Variants in CACNA1I observed in about 807,000 individuals in gnomAD.
CACNA1I encodes calcium voltage-gated channel subunit alpha1 I, also known as voltage-dependent T-type calcium channel subunit alpha-1I.
Under a neutral mutation model 201.6 loss-of-function variants are expected in CACNA1I, and 74 were observed. The ratio of observed to expected loss-of-function variants is 0.37; its 90% CI spans 0.30 to 0.45. The LOEUF (loss-of-function observed/expected upper bound fraction) is 0.45. Ranked by LOEUF, CACNA1I falls within the 20% of genes least tolerant of loss-of-function variation. The pLI is 1.00. For synonymous variants in CACNA1I, 1,431 were observed against 1,345.2 expected (o/e 1.06, Z -1.40); for missense variants, 2,346 against 3,138.1 (o/e 0.75, Z 6.03).
intron 4 of CACNA1I, among the ~76,000 whole-genome samples, chr22:39,632,161 G>A (rs1262587503): frequency 1.3e-5 from 2 of 152,180 alleles, no homozygotes; most frequent in Non-Finnish European, 2.9e-5. Context: ...AAGCAGGAGC[G>A]GGAATGAAGC....
At chr22:39,619,961 G>GTCCATCCA (rs71739421) in intron 4 of CACNA1I, among the ~76,000 whole-genome samples, 7 of 129,732 alleles carry the variant, frequency 5.4e-5, no homozygotes, top group African/African-American at 1.2e-4. Context: ...CCGTCCGTCC[G>GTCCATCCA]TCCATCCATC....
intron 1 of CACNA1I, among the ~76,000 whole-genome samples, chr22:39,585,389 T>TC (rs202074796): frequency 9.1e-4 from 94 of 102,786 alleles, no homozygotes; most frequent in East Asian, 2.6e-3. Flanking sequence ...TTTCTTTCTT[T>TC]TTTTTTTTTT....
intron 20 of CACNA1I, 83 bp downstream of exon 20, chr22:39,664,242 C>A: frequency 1.7e-6 from 2 of 1,147,088 alleles, no homozygotes; most frequent in Non-Finnish European, 1.3e-6. Context: ...CAGCTTGTCA[C>A]TCGCCTGCCA....
chr22:39,628,821 C>T (rs745847297), intron 4 of CACNA1I, among the ~76,000 whole-genome samples: 19 of 152,192 alleles, frequency 1.2e-4, no homozygotes, highest in African/African-American at 4.3e-4. Flanking sequence ...GCCACAGCCT[C>T]GGCTCCCCTC....
Position 39,676,273 on chromosome 22 carries a change from G to A in CACNA1I, c.4855-1068G>A, listed in dbSNP as rs770858971. Among the ~76,000 whole-genome samples, 1 of 152,230 alleles carries A rather than the reference G, an allele frequency of 6.6e-6. No homozygotes were observed. Reference sequence around the variant, plus strand: ...GTCAGGGCCTTACAGTTGGCCTCACGGGTGCTCAGTAAGTGCTTGTTTTAT... The same window carrying A: ...GTCAGGGCCTTACAGTTGGCCTCACAGGTGCTCAGTAAGTGCTTGTTTTAT... On this transcript the variant is annotated intron_variant, in intron 29 of 36. Coordinates refer to ENST00000402142, the MANE Select transcript of CACNA1I (RefSeq NM_021096.4). The surrounding 1 kb of genome is among the most constrained non-coding windows in gnomAD (Gnocchi z 4.8).
intron 1 of CACNA1I, among the ~76,000 whole-genome samples, chr22:39,587,204 A>G (rs1932763876): frequency 1.3e-5 from 2 of 152,194 alleles, no homozygotes; most frequent in Non-Finnish European, 2.9e-5. Flanking sequence ...GGCCAAATAC[A>G]ATGAGTTCTT....
intron 2 of CACNA1I, among the ~76,000 whole-genome samples, chr22:39,599,640 A>G (rs2145827448): frequency 1.3e-5 from 2 of 150,348 alleles, no homozygotes; most frequent in African/African-American, 4.9e-5. Context: ...AAAAAAAAAA[A>G]AAAAAAAATC....
intron 35 of CACNA1I, among the ~76,000 whole-genome samples, chr22:39,683,102 C>T (rs1352049005): frequency 2.6e-5 from 4 of 152,196 alleles, no homozygotes; most frequent in African/African-American, 7.2e-5. Context: ...CTTCAATAGC[C>T]GTTTTGTGAA....
rs1246382752 is a variant in CACNA1I at position 39,676,322 on chromosome 22, T to G, written c.4855-1019T>G. 2.0e-5 allele frequency among the ~76,000 whole-genome samples: 3 copies of G among 152,174 alleles called. No homozygotes were observed. The highest frequency in any genetic ancestry group is 4.4e-5 in the Non-Finnish European group (3 of 68,036). On this transcript the variant is annotated intron_variant, in intron 29 of 36. Coordinates refer to ENST00000402142, the MANE Select transcript of CACNA1I (RefSeq NM_021096.4). This position sits in a 1 kb window ranked among gnomAD's most constrained non-coding sequence, Gnocchi z 4.8. ...ATTAATGAAGGGAACATCATTTAAT[T>G]AGTCAGACACTAGCAGTGTAGAACG...
In CACNA1I at chr22:39,668,377, A is replaced by G. The variant is rs780699480; in HGVS notation, c.4190A>G (p.Gln1397Arg). Residue 1397 changes from glutamine to arginine, a missense_variant, in exon 24 of 37, where the codon CAG (glutamine) becomes CGG (arginine). Transcript: ENST00000402142. The part of the protein sequence containing the change: ...YNGLDAVAVD[Q>R]QPVTNHNPWM... Reference sequence around the variant, plus strand: ...GGACTGGATGCTGTTGCTGTGGACCAGCAGGTGGGTGTAGCTGGGACCAGG... The same window carrying G: ...GGACTGGATGCTGTTGCTGTGGACCGGCAGGTGGGTGTAGCTGGGACCAGG... 3.1e-6 allele frequency: 5 copies of G among 1,608,880 alleles called. No homozygotes were observed. In the East Asian group the frequency reaches 1.1e-4, roughly 36 times the overall value.
In CACNA1I at chr22:39,686,234, C is replaced by T; in HGVS notation, c.6501C>T (p.Ala2167=). ...TGGCCGCCCCCGGCCGCCCCCACGCCGCCGCCCTGGCCCACGGCCTGGCCC... is the reference window on the plus strand; with the variant it reads ...TGGCCGCCCCCGGCCGCCCCCACGCTGCCGCCCTGGCCCACGGCCTGGCCC... ...SSLAAPGRPH[A]AALAHGLARS... Residue 2167 remains alanine (A), a synonymous_variant, in exon 37 of 37, where the codon GCC becomes GCT. Transcript: ENST00000402142. The T allele has an allele frequency of 5.6e-6, 7 of 1,248,862 alleles. No individual in the cohort carries two copies. The highest frequency in any genetic ancestry group is 7.0e-6 in the Non-Finnish European group (7 of 1,000,486). 77.4% of individuals were successfully genotyped at this position (1,248,862 alleles called of 1,614,324 possible).
At position 39,684,947 on chromosome 22, in the gene CACNA1I, C is replaced by T. The variant is rs1935813769; in HGVS notation, c.6027+449C>T. The T allele has an allele frequency of 3.2e-6, 1 of 315,924 alleles. No individual in the cohort carries two copies. The highest frequency in any genetic ancestry group is 6.9e-5 in the East Asian group (1 of 14,580). The allele number at this position is 315,924 out of a possible 1,614,324, so 19.6% of individuals were successfully genotyped here. ...GAGAAGCCTCGGGCTGCAGGGTCCCCCGTACTGGATTGGCCAGGGCCACAG... is the reference window on the plus strand; with the variant it reads ...GAGAAGCCTCGGGCTGCAGGGTCCCTCGTACTGGATTGGCCAGGGCCACAG... On this transcript the variant is annotated intron_variant, in intron 36 of 36. Transcript: ENST00000402142. The surrounding 1 kb of genome is among the most constrained non-coding windows in gnomAD (Gnocchi z 4.6).
chr22:39,632,145 AG>A (rs746683140), intron 4 of CACNA1I, among the ~76,000 whole-genome samples: 11 of 152,144 alleles, frequency 7.2e-5, no homozygotes, highest in Non-Finnish European at 1.6e-4. Flanking sequence ...GGCCGGCCCG[AG>A]GGAGAAGCAG....
Position 39,660,452 on chromosome 22 carries a change from G to A in CACNA1I, c.2698+15G>A, listed in dbSNP as rs59327098. The A allele has an allele frequency of 4.8e-4, 756 of 1,589,964 alleles. 9 individuals are homozygous for A. The African/African-American group carries it at 8.1e-3, about 17-fold the overall frequency. Reference sequence around the variant, plus strand: ...CAGCAGCGGAGGTAAACAGGCCCTCGCTTGTCACCTAGAGAGCCCAGAGCC... The same window carrying A: ...CAGCAGCGGAGGTAAACAGGCCCTCACTTGTCACCTAGAGAGCCCAGAGCC... On this transcript the variant is annotated intron_variant, in intron 15 of 36. Transcript: ENST00000402142.
rs136838 is a variant in CACNA1I at position 39,653,046 on chromosome 22, G to A, written c.1992+3121G>A. Among the ~76,000 whole-genome samples the A allele has an allele frequency of 2.8e-3, 356 of 125,270 alleles. 1 individual carries two copies. Among genetic ancestry groups the A allele is most frequent in the African/African-American group, 8.4e-3 (330 of 39,088 alleles). The allele number at this position is 125,270 out of a possible 152,430, so 82.2% of individuals were successfully genotyped here. Reference sequence around the variant, plus strand: ...AATGGGTACACGGATCCCCCCACACGGTGGCTAAGAGGGCTGACTGCATTG... The same window carrying A: ...AATGGGTACACGGATCCCCCCACACAGTGGCTAAGAGGGCTGACTGCATTG... On this transcript the variant is annotated intron_variant, in intron 10 of 36. Coordinates refer to ENST00000402142, the MANE Select transcript of CACNA1I (RefSeq NM_021096.4).
At chr22:39,594,354 G>C (rs985227372) in intron 1 of CACNA1I, among the ~76,000 whole-genome samples, 1 of 152,072 alleles carries the variant, frequency 6.6e-6, no homozygotes, top group Non-Finnish European at 1.5e-5. Context: ...AGGAGAGAGC[G>C]CACGACAGGA....
At chr22:39,594,059 G>A (rs1932852356) in intron 1 of CACNA1I, among the ~76,000 whole-genome samples, 1 of 152,170 alleles carries the variant, frequency 6.6e-6, no homozygotes, top group Non-Finnish European at 1.5e-5. Context: ...GGAGAGCCAT[G>A]GGCAGAGACA....
At chr22:39,633,508 C>G (rs1934121457) in intron 4 of CACNA1I, among the ~76,000 whole-genome samples, 2 of 152,300 alleles carry the variant, frequency 1.3e-5, no homozygotes, top group East Asian at 1.9e-4. Flanking sequence ...ATGTAAGAGT[C>G]TGGAAGCCTT....
At position 39,685,802 on chromosome 22, in the gene CACNA1I, C is replaced by T. The variant is rs769816327; in HGVS notation, c.6069C>T (p.Ser2023=). 1.0e-5 allele frequency: 15 copies of T among 1,496,828 alleles called. No individual in the cohort carries two copies. The South Asian group carries it at 1.9e-4, about 19-fold the overall frequency. The allele number at this position is 1,496,828 out of a possible 1,614,324, so 92.7% of individuals were successfully genotyped here. A position where few individuals can be genotyped will look rare whatever the true frequency, so the allele number is the denominator to read the frequency against. ...SDTSLDASPS[S]SAGSLQTTLE... ...CGTCGCTGGACGCCAGCCCCAGCAG[C>T]TCCGCGGGCAGCCTGCAGACCACGC... Residue 2023 remains serine, a synonymous_variant, in exon 37 of 37, where the codon AGC becomes AGT. Transcript: ENST00000402142. This position sits in a 1 kb window ranked among gnomAD's most constrained non-coding sequence, Gnocchi z 5.0.
Sources: allele counts gnomAD v4.1 joint callset (sites outside exome capture counted in the v4.1 genomes callset), GRCh38; gene constraint gnomAD v4.1.1; non-coding constraint Gnocchi (gnomAD v3.1); transcripts MANE v1.5; gene names NCBI Gene and HGNC (gene_info 2026-07-23, HGNC 2026-07-21).